Variants in KBTBD3 observed in about 807,000 individuals in gnomAD.
The protein encoded by KBTBD3 is kelch repeat and BTB domain-containing protein 3.
A neutral mutation model predicts 49.6 loss-of-function variants in KBTBD3; 38 were observed. That is an observed-to-expected ratio of 0.77 (90% CI 0.59 to 1.00). The LOEUF (loss-of-function observed/expected upper bound fraction) is 1.00. KBTBD3 is among the 50% of genes least tolerant of loss of function. KBTBD3 has a pLI of 0.00. For synonymous variants in KBTBD3, 214 were observed against 250.4 expected, an observed-to-expected ratio of 0.85 and a Z score of 1.37; for missense variants, 661 against 712.0, an observed-to-expected ratio of 0.93 and a Z score of 0.81.
intron 2 of KBTBD3, among the ~76,000 whole-genome samples, chr11:106,068,572 A>G (rs891078826): frequency 2.0e-5 from 3 of 152,196 alleles, no homozygotes; most frequent in African/African-American, 7.2e-5. Flanking sequence ...TAATTTGAAC[A>G]GCCCTGTAAC....
chr11:106,067,832 AGAT>A (rs1421626784), intron 2 of KBTBD3, among the ~76,000 whole-genome samples: 1 of 152,230 alleles, frequency 6.6e-6, no homozygotes, highest in Non-Finnish European at 1.5e-5. Context: ...ATTAAAAGAT[AGAT>A]TACCAGAGAA....
rs762003901 is a variant in KBTBD3 at position 106,053,669 on chromosome 11, G to A, written c.1020C>T (p.Tyr340=). ...IDLPGSSLSS[Y]GEKIFLTGGC... The stretch of plus-strand genomic sequence containing the variant: ...CACCTGTCAAGAATATTTTCTCTCC[G>A]TAACTCGAAAGACTAGATCCTGGCA... The change falls in exon 4 of 4, where the codon TAC becomes TAT. Residue 340 remains tyrosine (Y), a synonymous_variant. Transcript: ENST00000531837. The A allele has an allele frequency of 9.9e-6, 16 of 1,613,524 alleles. No individual in the cohort carries two copies. The highest frequency in any genetic ancestry group is 9.9e-5 in the South Asian group (9 of 91,078).
intron 2 of KBTBD3, among the ~76,000 whole-genome samples, chr11:106,072,395 T>C (rs1860936643): frequency 6.6e-6 from 1 of 152,140 alleles, no homozygotes; most frequent in African/African-American, 2.4e-5. Context: ...TTTGCATGAG[T>C]AGAAAAAATT....
At chr11:106,070,633 T>C (rs888229910) in intron 2 of KBTBD3, among the ~76,000 whole-genome samples, 1 of 152,116 alleles carries the variant, frequency 6.6e-6, no homozygotes, top group Non-Finnish European at 1.5e-5. Context: ...GGATCACCCA[T>C]ACATTGCTGG....
chr11:106,059,005 T>A lies in KBTBD3; in HGVS notation c.93A>T (p.Ser31=). 6.4e-7 allele frequency: 1 copy of A among 1,560,958 alleles called. No homozygotes were observed. Among genetic ancestry groups the A allele is most frequent in the Non-Finnish European group, 8.6e-7 (1 of 1,163,362 alleles). Reference sequence around the variant, plus strand: ...TTAAGATTTTTTGTCCATGATCTTCTGATACAAGGAAGTTGTTTTTCTTCT... The same window carrying A: ...TTAAGATTTTTTGTCCATGATCTTCAGATACAAGGAAGTTGTTTTTCTTCT... The part of the protein sequence containing the change: ...PSEKKNNFLV[S]EDHGQKILSV... Residue 31 remains serine (S), a synonymous_variant, in exon 3 of 4, where the codon TCA becomes TCT. Coordinates refer to ENST00000531837, the MANE Select transcript of KBTBD3 (RefSeq NM_198439.3).
rs1860487968 is a variant in KBTBD3, at chr11:106,053,815, T to C, written c.874A>G (p.Thr292Ala). The change falls in exon 4 of 4, where the codon ACA (threonine) becomes GCA (alanine). Residue 292 changes from threonine (T) to alanine (A), a missense_variant. Physicochemically the swap from Thr to Ala is moderately conservative, Grantham distance 58. Transcript: ENST00000531837. ...GGLFPDARPS[T>A]TEKYIFIHKT... ...TGAATGAATATGTATTTCTCAGTTG[T>C]GGATGGTCGAGCATCAGGGAAGAGT... The C allele has an allele frequency of 6.2e-7, 1 of 1,614,004 alleles. No individual in the cohort carries two copies.
At chr11:106,064,312 G>A (rs141161290) in intron 2 of KBTBD3, among the ~76,000 whole-genome samples, 1 of 152,176 alleles carries the variant, frequency 6.6e-6, no homozygotes, top group African/African-American at 2.4e-5. Context: ...TTAGGAGGCC[G>A]AGGCGGGTGG....
At chr11:106,060,612 C>A (rs1157292599) in intron 2 of KBTBD3, among the ~76,000 whole-genome samples, 1 of 152,170 alleles carries the variant, frequency 6.6e-6, no homozygotes, top group Non-Finnish European at 1.5e-5. Flanking sequence ...AAACTGGACC[C>A]CTTCCTTACA....
At chr11:106,072,950 T>C (rs1860948270) in intron 2 of KBTBD3, among the ~76,000 whole-genome samples, 1 of 152,192 alleles carries the variant, frequency 6.6e-6, no homozygotes, top group Admixed American at 6.5e-5. Context: ...AATAAATAAT[T>C]ATACATTTTT....
Position 106,054,014 on chromosome 11 carries a change from A to G in KBTBD3, c.675T>C (p.His225=). The G allele has an allele frequency of 1.2e-6, 2 of 1,613,842 alleles. No homozygotes were observed. The highest frequency in any genetic ancestry group is 1.7e-6 in the Non-Finnish European group (2 of 1,179,866). ...GATACTTTTGCCTTGATTCTAAGTT[A>G]TGTTTAGTCCAACTAAGGACAACTT... is the stretch of plus-strand genomic sequence containing the variant. ...VLKVVLSWTK[H]NLESRQKYLP... is the part of the protein sequence containing the mutation. The change falls in exon 4 of 4, where the codon CAT becomes CAC. Residue 225 remains histidine, a synonymous_variant. Transcript: ENST00000531837.
Position 106,054,013 on chromosome 11 carries a change from T to C in KBTBD3, c.676A>G (p.Asn226Asp). The C allele has an allele frequency of 1.2e-6, 2 of 1,613,878 alleles. No individual in the cohort carries two copies. Among genetic ancestry groups the C allele is most frequent in the South Asian group, 2.2e-5 (2 of 91,074 alleles). Residue 226 changes from asparagine to aspartate, a missense_variant, in exon 4 of 4, where the codon AAC becomes GAC. By Grantham distance (23) the Asn-to-Asp change is conservative (BLOSUM62 1). Coordinates refer to ENST00000531837, the MANE Select transcript of KBTBD3 (RefSeq NM_198439.3). ...AGATACTTTTGCCTTGATTCTAAGT[T>C]ATGTTTAGTCCAACTAAGGACAACT... ...LKVVLSWTKHNLESRQKYLPH... is the reference protein window; with the variant it reads ...LKVVLSWTKHDLESRQKYLPH...
At chr11:106,064,231 G>C (rs916673973) in intron 2 of KBTBD3, among the ~76,000 whole-genome samples, 2 of 152,066 alleles carry the variant, frequency 1.3e-5, no homozygotes, top group Non-Finnish European at 2.9e-5. Flanking sequence ...ACTCCAAGAT[G>C]ATGAAAACAA....
At chr11:106,070,402 C>T (rs1819444553) in intron 2 of KBTBD3, among the ~76,000 whole-genome samples, 2 of 151,780 alleles carry the variant, frequency 1.3e-5, no homozygotes, top group Admixed American at 6.6e-5. Context: ...CCAGTAAAAA[C>T]ACCAGACAAT....
chr11:106,069,885 T>C (rs959077018), intron 2 of KBTBD3, among the ~76,000 whole-genome samples: 1 of 152,072 alleles, frequency 6.6e-6, no homozygotes, highest in Non-Finnish European at 1.5e-5. Context: ...TAATCAATAC[T>C]GTGTAATATT....
intron 2 of KBTBD3, among the ~76,000 whole-genome samples, chr11:106,068,434 T>C (rs1378096288): frequency 1.3e-5 from 2 of 152,158 alleles, no homozygotes; most frequent in Non-Finnish European, 2.9e-5. Context: ...ATTTAAAACA[T>C]ACATTGAACT....
chr11:106,064,029 T>C (rs1165959523), intron 2 of KBTBD3, among the ~76,000 whole-genome samples: 1 of 152,196 alleles, frequency 6.6e-6, no homozygotes, highest in Admixed American at 6.5e-5. Context: ...AATCATTTCA[T>C]TGACATTAAT....
chr11:106,071,357 T>C (rs1315039142), intron 2 of KBTBD3, among the ~76,000 whole-genome samples: 1 of 152,174 alleles, frequency 6.6e-6, no homozygotes, highest in Non-Finnish European at 1.5e-5. Context: ...CACTTTTTAA[T>C]TAACTTTACT....
Sources: gnomAD v4.1 joint callset for allele counts (sites outside exome capture counted in the v4.1 genomes callset) on GRCh38, gnomAD v4.1.1 for gene constraint, MANE v1.5 for transcripts, NCBI Gene and HGNC (gene_info 2026-07-23, HGNC 2026-07-21) for gene names.